CGA: variants seen among roughly 807,000 people sequenced by gnomAD.
The protein encoded by CGA is glycoprotein hormones alpha chain.
In CGA, 4 loss-of-function variants were observed where a neutral mutation model predicts 12.0. The observed-to-expected ratio is 0.33, with a 90% confidence interval of 0.16 to 0.76. CGA has a LOEUF of 0.76. CGA is among the 30% of genes least tolerant of loss of function. The probability of loss-of-function intolerance (pLI) is 0.60; values close to 1 mark genes in which losing one functional copy is unlikely to be tolerated. For missense variants in CGA, 102 were observed against 143.5 expected (o/e 0.71, Z 1.48); for synonymous variants, 60 against 56.6 (o/e 1.06, Z -0.27).
chr6:87,092,759 TTTTTTTG>T lies in CGA; in HGVS notation c.-8+2247_-8+2253del, dbSNP rs1357799158. 1.9e-4 allele frequency among the ~76,000 whole-genome samples: 28 copies of T among 144,022 alleles called. 1 individual carries two copies. The highest frequency in any genetic ancestry group is 1.4e-4 in the Non-Finnish European group (9 of 65,448). 94.5% of individuals were successfully genotyped at this position (144,022 alleles called of 152,430 possible). A position where few individuals can be genotyped will look rare whatever the true frequency, so the allele number is the denominator to read the frequency against. On this transcript the variant is annotated intron_variant, in intron 1 of 3. Coordinates refer to ENST00000627148, the MANE Select transcript of CGA (RefSeq NM_000735.4). ...TTAGCTTTCTTTTTTTTTTTTTTTT[TTTTTTTG>T]AGACATGGTCTCACTCTGTGGATCA...
intron 1 of CGA, among the ~76,000 whole-genome samples, chr6:87,092,742 C>CTT (rs35436814): frequency 1.5e-3 from 117 of 78,014 alleles, no homozygotes; most frequent in East Asian, 2.9e-3. Context: ...CATTAGCTTT[C>CTT]TTTTTTTTTT....
At chr6:87,093,228 C>G (rs1195519502) in intron 1 of CGA, among the ~76,000 whole-genome samples, 2 of 152,174 alleles carry the variant, frequency 1.3e-5, no homozygotes, top group Non-Finnish European at 2.9e-5. Context: ...ACTTGTACTA[C>G]CCCTATAGCC....
intron 1 of CGA, among the ~76,000 whole-genome samples, chr6:87,088,534 C>T (rs1361580278): frequency 6.6e-6 from 1 of 151,868 alleles, no homozygotes; most frequent in Admixed American, 6.6e-5. Context: ...TAAGAAGCCT[C>T]AATGTCCTTA....
intron 1 of CGA, among the ~76,000 whole-genome samples, chr6:87,090,296 T>C: frequency 6.6e-6 from 1 of 152,226 alleles, no homozygotes; most frequent in Admixed American, 6.5e-5. Context: ...ATGTTGTTTG[T>C]CTTTTTTTCC....
chr6:87,087,897 C>T, intron 2 of CGA: 1 of 343,480 alleles, frequency 2.9e-6, no homozygotes, highest in South Asian at 1.3e-4. Context: ...GTATAGGCTG[C>T]TGCATAAATG....
chr6:87,094,688 C>G (rs1019830774), intron 1 of CGA: 5 of 152,192 alleles, frequency 3.3e-5, no homozygotes, highest in African/African-American at 9.7e-5. Flanking sequence ...TGCCCTCTGT[C>G]TGGCTCCTGG....
At chr6:87,087,855 A>G (rs1769352596) in intron 2 of CGA, 1 of 264,130 alleles carries the variant, frequency 3.8e-6, no homozygotes, top group Non-Finnish European at 7.1e-6. Context: ...GTAAGACTCA[A>G]GAATAAAAAG....
At chr6:87,089,232 G>A (rs1015423146) in intron 1 of CGA, 28 of 152,354 alleles carry the variant, frequency 1.8e-4, no homozygotes, top group African/African-American at 5.8e-4. Context: ...TTAGCACTGG[G>A]AAAGAAGTGT....
intron 1 of CGA, among the ~76,000 whole-genome samples, chr6:87,092,938 G>GT (rs1367608499): frequency 1.3e-5 from 2 of 151,532 alleles, no homozygotes; most frequent in East Asian, 1.9e-4. Context: ...TTTTGTGTTT[G>GT]TTTTTTTGTT....
At chr6:87,090,637 A>ATTTTTTTTT (rs147883019) in intron 1 of CGA, among the ~76,000 whole-genome samples, 3 of 124,862 alleles carry the variant, frequency 2.4e-5, no homozygotes, top group Admixed American at 8.5e-5. Context: ...CTCTTCAATA[A>ATTTTTTTTT]TTTTTTTTTT....
chr6:87,086,647 G>A (rs568783779), intron 2 of CGA: 12 of 525,874 alleles, frequency 2.3e-5, no homozygotes, highest in African/African-American at 7.7e-5. Flanking sequence ...TTAGCCAGAC[G>A]TGATGGTGCA....
At chr6:87,091,211 T>C (rs1030911728) in intron 1 of CGA, among the ~76,000 whole-genome samples, 2 of 152,194 alleles carry the variant, frequency 1.3e-5, no homozygotes, top group African/African-American at 2.4e-5. Context: ...ATTTTAGAAT[T>C]GCCTTTATAA....
intron 2 of CGA, 67 bp downstream of exon 2, chr6:87,088,046 A>T: frequency 1.3e-6 from 1 of 774,740 alleles, no homozygotes; most frequent in East Asian, 2.9e-5. Flanking sequence ...TAATTAATGG[A>T]GTTATTGATG....
chr6:87,085,882 A>G, intron 3 of CGA, 49 bp from the exon 4 acceptor site: 1 of 1,230,574 alleles, frequency 8.1e-7, no homozygotes, highest in Non-Finnish European at 1.2e-6. Context: ...TGATAGATAG[A>G]TAGATAGAGA....
chr6:87,088,593 T>C (rs1197081875), intron 1 of CGA, among the ~76,000 whole-genome samples: 4 of 152,044 alleles, frequency 2.6e-5, no homozygotes, highest in African/African-American at 4.8e-5. Context: ...AAAATATATA[T>C]AAACTTATAT....
intron 1 of CGA, among the ~76,000 whole-genome samples, chr6:87,091,200 C>T (rs916058240): frequency 1.3e-5 from 2 of 152,108 alleles, no homozygotes; most frequent in Non-Finnish European, 2.9e-5. Context: ...AGTCAATGCG[C>T]ATTTTAGAAT....
rs955873400 is a variant in CGA at position 87,088,105 on chromosome 6, T to TCA, written c.88+6_88+7dup. 2 of 1,575,362 alleles carry TCA rather than the reference T, an allele frequency of 1.3e-6. No homozygotes were observed. Among genetic ancestry groups the TCA allele is most frequent in the African/African-American group, 2.7e-5 (2 of 73,112 alleles). On this transcript the variant is annotated splice_region_variant and intron_variant, in intron 2 of 3. Coordinates refer to ENST00000627148, the MANE Select transcript of CGA (RefSeq NM_000735.4). ...CTTATTACTTGAACCACAAATTTGG[T>TCA]CACGCACCCTGCACATCAGGAGCGG...
At chr6:87,089,276 A>C (rs1769385807) in intron 1 of CGA, 2 of 152,264 alleles carry the variant, frequency 1.3e-5, no homozygotes, top group South Asian at 4.1e-4. Flanking sequence ...GGGATAGCAC[A>C]AGGGAGCTGT....
Position 87,088,161 on chromosome 6 carries a change from T to C in CGA, c.40A>G (p.Thr14Ala), listed in dbSNP as rs1412800436. The C allele has an allele frequency of 1.3e-6, 2 of 1,594,158 alleles. No homozygotes were observed. The highest frequency in any genetic ancestry group is 8.5e-7 in the Non-Finnish European group (1 of 1,170,802). The change falls in exon 2 of 4, where the codon ACA (threonine) becomes GCA (alanine). Residue 14 changes from threonine to alanine, a missense_variant. Transcript: ENST00000627148. ...YRKYAAIFLV[T>A]LSVFLHVLHS... ...AGAACATGCAGAAACACCGACAATGTGACCAGAAAGATAGCTGCATATTTT... is the reference window on the plus strand; with the variant it reads ...AGAACATGCAGAAACACCGACAATGCGACCAGAAAGATAGCTGCATATTTT...
Sources: gnomAD v4.1 joint callset for allele counts (sites outside exome capture counted in the v4.1 genomes callset) on GRCh38, gnomAD v4.1.1 for gene constraint, MANE v1.5 for transcripts, NCBI Gene and HGNC (gene_info 2026-07-23, HGNC 2026-07-21) for gene names.